Variants in PROKR1 observed in about 807,000 individuals in gnomAD.
PROKR1 encodes prokineticin receptor 1.
A neutral mutation model predicts 22.8 loss-of-function variants in PROKR1; 21 were observed. That is an observed-to-expected ratio of 0.92 (90% confidence interval 0.65 to 1.32). The LOEUF is 1.32. PROKR1 is among the 40% of genes most tolerant of loss of function. PROKR1 has a pLI of 0.00. For missense variants in PROKR1, 548 were observed against 514.2 expected (o/e 1.07, Z -0.64); for synonymous variants, 193 against 207.5 (o/e 0.93, Z 0.60).
In PROKR1 at chr2:68,655,902, C is replaced by T. The variant is rs1465779019; in HGVS notation, c.*326C>T. ...GGTGTAGATAGAAATAAGGGAGTTTCCACAAAAGAACTGGAGTAGGTATCT... is the reference window on the plus strand; with the variant it reads ...GGTGTAGATAGAAATAAGGGAGTTTTCACAAAAGAACTGGAGTAGGTATCT... On this transcript the variant is annotated 3_prime_UTR_variant, in exon 3 of 3. Transcript: ENST00000303786. The T allele has an allele frequency of 7.7e-6, 3 of 388,510 alleles. No individual in the cohort carries two copies. Among genetic ancestry groups the T allele is most frequent in the Non-Finnish European group, 1.5e-5 (3 of 205,948 alleles). The allele number at this position is 388,510 out of a possible 1,614,324, so 24.1% of individuals were successfully genotyped here.
Position 68,657,512 on chromosome 2 carries a change from A to T in PROKR1, c.*1936A>T, listed in dbSNP as rs1673497504. 6.6e-6 allele frequency: 1 copy of T among 152,214 alleles called. No homozygotes were observed. Among genetic ancestry groups the T allele is most frequent in the Non-Finnish European group, 1.5e-5 (1 of 68,044 alleles). 9.4% of individuals were successfully genotyped at this position (152,214 alleles called of 1,614,324 possible). Reference sequence around the variant, plus strand: ...AGTTTAGGGGTTTGGATACTCCAGAATCGGAGTATCTTTGTGATACTAGAA... The same window carrying T: ...AGTTTAGGGGTTTGGATACTCCAGATTCGGAGTATCTTTGTGATACTAGAA... On this transcript the variant is annotated 3_prime_UTR_variant, in exon 3 of 3. Coordinates refer to ENST00000303786, the MANE Select transcript of PROKR1 (RefSeq NM_138964.4).
rs568684320 is a variant in PROKR1, at chr2:68,657,334, A to G, written c.*1758A>G. ...TGTATCCAGAAACCTGGCCGTCTCCACTTTTATTTTTCTTTGTGTAAATTA... is the reference window on the plus strand; with the variant it reads ...TGTATCCAGAAACCTGGCCGTCTCCGCTTTTATTTTTCTTTGTGTAAATTA... On this transcript the variant is annotated 3_prime_UTR_variant, in exon 3 of 3. Coordinates refer to ENST00000303786, the MANE Select transcript of PROKR1 (RefSeq NM_138964.4). The G allele has an allele frequency of 6.6e-6, 1 of 152,210 alleles. No individual in the cohort carries two copies. The highest frequency in any genetic ancestry group is 2.4e-5 in the African/African-American group (1 of 41,450). 9.4% of individuals were successfully genotyped at this position (152,210 alleles called of 1,614,324 possible).
Position 68,654,975 on chromosome 2 carries a change from C to T in PROKR1, c.581C>T (p.Ala194Val). 1 of 1,613,612 alleles carries T rather than the reference C, an allele frequency of 6.2e-7. No homozygotes were observed. The highest frequency in any genetic ancestry group is 8.5e-7 in the Non-Finnish European group (1 of 1,179,984). The change falls in exon 3 of 3, where the codon GCC becomes GTC. Residue 194 changes from alanine (A) to valine (V), a missense_variant. Physicochemically the swap from Ala to Val is moderately conservative, Grantham distance 64 (BLOSUM62 0). Transcript: ENST00000303786. The part of the protein sequence containing the change: ...ALVWTVSILI[A>V]IPSAYFTTET... ...GTGTGGACGGTGTCCATCCTGATCGCCATCCCTTCCGCCTACTTCACCACC... is the reference window on the plus strand; with the variant it reads ...GTGTGGACGGTGTCCATCCTGATCGTCATCCCTTCCGCCTACTTCACCACC...
Position 68,645,872 on chromosome 2 carries a change from C to A in PROKR1, c.51C>A (p.Thr17=). Residue 17 remains threonine, a synonymous_variant, in exon 2 of 3, where the codon ACC becomes ACA. Transcript: ENST00000303786. ...ATGACAATGCCACCAACACTTCCAC[C>A]AGCTTCCTTTCTGTGCTCAACCCTC... ...FMDDNATNTS[T]SFLSVLNPHG... 6.2e-7 allele frequency: 1 copy of A among 1,614,244 alleles called. No individual in the cohort carries two copies. Among genetic ancestry groups the A allele is most frequent in the Admixed American group, 1.7e-5 (1 of 60,032 alleles).
At chr2:68,648,067 G>A (rs931620368) in intron 2 of PROKR1, among the ~76,000 whole-genome samples, 9 of 152,156 alleles carry the variant, frequency 5.9e-5, no homozygotes, top group Admixed American at 5.2e-4. Context: ...AGCATACAGA[G>A]TCATTTCCTG....
intron 2 of PROKR1, among the ~76,000 whole-genome samples, chr2:68,650,424 A>G (rs902021893): frequency 6.6e-6 from 1 of 152,086 alleles, no homozygotes; most frequent in African/African-American, 2.4e-5. Context: ...TTTTTTAGAG[A>G]TGAGATCTTG....
At chr2:68,647,526 A>G (rs569714254) in intron 2 of PROKR1, among the ~76,000 whole-genome samples, 13 of 152,316 alleles carry the variant, frequency 8.5e-5, no homozygotes, top group African/African-American at 3.1e-4. Context: ...TGGCCCTCAC[A>G]GTCAGGACAG....
intron 2 of PROKR1, among the ~76,000 whole-genome samples, chr2:68,649,058 A>G (rs1343202945): frequency 6.6e-6 from 1 of 152,254 alleles, no homozygotes; most frequent in African/African-American, 2.4e-5. Context: ...GTCTACAACA[A>G]AAAAGCAGGT....
chr2:68,648,409 A>C (rs1243678121), intron 2 of PROKR1, among the ~76,000 whole-genome samples: 2 of 152,214 alleles, frequency 1.3e-5, no homozygotes, highest in Non-Finnish European at 2.9e-5. Flanking sequence ...ACACAAAGGA[A>C]ATTAGATACA....
At position 68,647,860 on chromosome 2, in the gene PROKR1, AGCCCT is replaced by A. The variant is rs542697410; in HGVS notation, c.485+1557_485+1561del. 1.4e-3 allele frequency among the ~76,000 whole-genome samples: 217 copies of A among 152,216 alleles called. 1 individual carries two copies. The highest frequency in any genetic ancestry group is 2.9e-3 in the Admixed American group (45 of 15,290). On this transcript the variant is annotated intron_variant, in intron 2 of 2. Coordinates refer to ENST00000303786, the MANE Select transcript of PROKR1 (RefSeq NM_138964.4). ...CCAAATTCCCTCCACTGAATCAAAG[AGCCCT>A]GCAGCTTTTCATTTACCTGGACAAG...
intron 2 of PROKR1, chr2:68,649,554 C>T (rs1029381182): frequency 6.6e-6 from 1 of 152,174 alleles, no homozygotes; most frequent in African/African-American, 2.4e-5. Context: ...CCTTGCTTTC[C>T]TGGAGCTTAT....
In PROKR1 at chr2:68,656,379, A is replaced by C. The variant is rs577761957; in HGVS notation, c.*803A>C. 6.5e-6 allele frequency: 1 copy of C among 152,726 alleles called. No homozygotes were observed. The highest frequency in any genetic ancestry group is 2.1e-4 in the South Asian group (1 of 4,824). 9.5% of individuals were successfully genotyped at this position (152,726 alleles called of 1,614,324 possible). A position where few individuals can be genotyped will look rare whatever the true frequency, so the allele number is the denominator to read the frequency against. ...TGCCTTCAGTGAGAAGGGAGATGCA[A>C]GTGGAGGAGACTCAGAACGGGAAGG... On this transcript the variant is annotated 3_prime_UTR_variant, in exon 3 of 3. Coordinates refer to ENST00000303786, the MANE Select transcript of PROKR1 (RefSeq NM_138964.4).
chr2:68,650,139 T>G (rs984865331), intron 2 of PROKR1, among the ~76,000 whole-genome samples: 18 of 151,384 alleles, frequency 1.2e-4, no homozygotes, highest in Admixed American at 1.1e-3. Context: ...GTGGGTGCAG[T>G]GCACCAGCAT....
chr2:68,650,887 A>G (rs1451901283), intron 2 of PROKR1, among the ~76,000 whole-genome samples: 1 of 152,142 alleles, frequency 6.6e-6, no homozygotes, highest in Non-Finnish European at 1.5e-5. Context: ...TTTTCCCAAG[A>G]GAGTGGGTAG....
rs185519339 is a variant in PROKR1 at position 68,645,144 on chromosome 2, A to G, written c.-160-518A>G. ...TAGTCACAGGCTGTGACTTTACCCT[A>G]CAGCCTCTGTCTGGGGACAGGCCTT... On this transcript the variant is annotated intron_variant, in intron 1 of 2. Transcript: ENST00000303786. Among the ~76,000 whole-genome samples, 873 of 152,318 alleles carry G rather than the reference A, an allele frequency of 5.7e-3. 2 individuals carry two copies. Among genetic ancestry groups the G allele is most frequent in the South Asian group, 9.3e-3 (45 of 4,828 alleles).
chr2:68,655,212 G>T lies in PROKR1; in HGVS notation c.818G>T (p.Arg273Leu). ...AVPGFQTEQI[R>L]KRLRCRRKTV... Reference sequence around the variant, plus strand: ...CCTGGATTCCAGACAGAGCAGATCCGCAAGAGGCTGCGCTGCCGCAGGAAG... The same window carrying T: ...CCTGGATTCCAGACAGAGCAGATCCTCAAGAGGCTGCGCTGCCGCAGGAAG... The change falls in exon 3 of 3, where the codon CGC (arginine) becomes CTC (leucine). Residue 273 changes from arginine (R) to leucine (L), a missense_variant. Arg to Leu is a moderately radical substitution (Grantham distance 102). Transcript: ENST00000303786. The T allele has an allele frequency of 6.2e-7, 1 of 1,614,228 alleles. No homozygotes were observed. Among genetic ancestry groups the T allele is most frequent in the African/African-American group, 1.3e-5 (1 of 75,066 alleles).
intron 2 of PROKR1, among the ~76,000 whole-genome samples, chr2:68,647,336 C>A (rs2104182232): frequency 6.6e-6 from 1 of 152,262 alleles, no homozygotes; most frequent in South Asian, 2.1e-4. Context: ...CTCCTCTGCC[C>A]ACAGCTGGAC....
chr2:68,644,791 G>A (rs1673138667), intron 1 of PROKR1, among the ~76,000 whole-genome samples: 1 of 152,088 alleles, frequency 6.6e-6, no homozygotes, highest in East Asian at 1.9e-4. Context: ...GGGACAGGGG[G>A]ACTCTGGCTG....
In PROKR1 at chr2:68,655,253, A is replaced by G. The variant is rs1450751695; in HGVS notation, c.859A>G (p.Met287Val). ...CCGCAGGAAGACGGTCCTGGTGCTC[A>G]TGTGCATCCTCACCGCCTACGTGCT... Reference protein sequence around the residue: ...RCRRKTVLVLMCILTAYVLCW... With the variant: ...RCRRKTVLVLVCILTAYVLCW... Residue 287 changes from methionine (M) to valine (V), a missense_variant, in exon 3 of 3, where the codon ATG (methionine) becomes GTG (valine). By Grantham distance (21) the Met-to-Val change is conservative. Coordinates refer to ENST00000303786, the MANE Select transcript of PROKR1 (RefSeq NM_138964.4). The G allele has an allele frequency of 6.2e-7, 1 of 1,614,236 alleles. No individual in the cohort carries two copies. Among genetic ancestry groups the G allele is most frequent in the Non-Finnish European group, 8.5e-7 (1 of 1,180,042 alleles).
Sources: gnomAD v4.1 joint callset for allele counts (sites outside exome capture counted in the v4.1 genomes callset) on GRCh38, gnomAD v4.1.1 for gene constraint, MANE v1.5 for transcripts, NCBI Gene and HGNC (gene_info 2026-07-23, HGNC 2026-07-21) for gene names.